The following HHIPL1 variants were observed in gnomAD, a reference collection of about 807,000 sequenced individuals.
HHIPL1 encodes the protein HHIP like 1, also known as HHIP-like protein 1.
A neutral mutation model predicts 61.8 loss-of-function variants in HHIPL1; 43 were observed. The observed-to-expected ratio is 0.70, with a 90% CI of 0.55 to 0.90. HHIPL1 has a LOEUF of 0.90. Among genes scored for constraint, HHIPL1 ranks in the 40% least tolerant of loss-of-function variants. The probability of loss-of-function intolerance (pLI) is 0.00; values close to 1 mark genes in which losing one functional copy is unlikely to be tolerated. For missense variants in HHIPL1, 1,056 were observed against 1,157.7 expected (o/e 0.91, Z 1.28); for synonymous variants, 482 against 515.8 (o/e 0.93, Z 0.89).
chr14:99,662,510 G>C (rs1282823679), intron 5 of HHIPL1, among the ~76,000 whole-genome samples: 2 of 152,182 alleles, frequency 1.3e-5, no homozygotes, highest in African/African-American at 2.4e-5. Context: ...GTGGGTGTCT[G>C]GTAGGTGCTG....
chr14:99,622,123 G>C, the HHIPL1 span, among the ~76,000 whole-genome samples: 1 of 152,134 alleles, frequency 6.6e-6, no homozygotes, highest in African/African-American at 2.4e-5. Flanking sequence ...GGCTATTCTT[G>C]TTCTCCCTGT....
the HHIPL1 span, among the ~76,000 whole-genome samples, chr14:99,623,751 C>T: frequency 6.6e-6 from 1 of 152,064 alleles, no homozygotes; most frequent in Non-Finnish European, 1.5e-5. Context: ...GGCAGAGGCT[C>T]CTGCCTGCAG....
At chr14:99,652,147 T>TGG in intron 1 of HHIPL1, 77 bp from the exon 2 acceptor site, 1 of 1,384,490 alleles carries the variant, frequency 7.2e-7, no homozygotes, top group Non-Finnish European at 9.8e-7. Context: ...CTCTGAGAGA[T>TGG]GGGGGACCCG....
At chr14:99,616,814 G>A in the HHIPL1 span, among the ~76,000 whole-genome samples, 1 of 152,130 alleles carries the variant, frequency 6.6e-6, no homozygotes, top group Non-Finnish European at 1.5e-5. Flanking sequence ...TAAAATCTGG[G>A]GGAAAAGGAT....
upstream of HHIPL1, among the ~76,000 whole-genome samples, chr14:99,642,673 C>T (rs1357359745): frequency 1.3e-5 from 2 of 151,704 alleles, no homozygotes; most frequent in African/African-American, 4.8e-5. Context: ...CTATAGGCGC[C>T]CATCACCATG....
the HHIPL1 span, among the ~76,000 whole-genome samples, chr14:99,629,527 A>C: frequency 2.7e-5 from 4 of 150,616 alleles, no homozygotes; most frequent in African/African-American, 9.8e-5. Context: ...TTTTTAATGG[A>C]GTCTCTGTCG....
intron 8 of HHIPL1, among the ~76,000 whole-genome samples, chr14:99,674,803 G>C (rs932694082): frequency 6.6e-6 from 1 of 152,180 alleles, no homozygotes; most frequent in Non-Finnish European, 1.5e-5. Context: ...GTAGGGAGAC[G>C]CAGCAACAGC....
intron 8 of HHIPL1, among the ~76,000 whole-genome samples, chr14:99,674,633 G>C (rs987491085): frequency 6.6e-6 from 1 of 152,136 alleles, no homozygotes; most frequent in Non-Finnish European, 1.5e-5. Flanking sequence ...GTGGGCCTCA[G>C]CTTCCTCACC....
At chr14:99,632,798 G>A in the HHIPL1 span, among the ~76,000 whole-genome samples, 1 of 152,140 alleles carries the variant, frequency 6.6e-6, no homozygotes, top group Admixed American at 6.6e-5. Flanking sequence ...ACGTCCTTTG[G>A]AGGCCTAAGT....
the HHIPL1 span, among the ~76,000 whole-genome samples, chr14:99,632,961 G>A: frequency 3.6e-3 from 510 of 140,404 alleles, 6 homozygotes; most frequent in Middle Eastern, 0.012. Flanking sequence ...TAGAGGGAGG[G>A]TCCTATCTGA....
the HHIPL1 span, among the ~76,000 whole-genome samples, chr14:99,606,935 C>T: frequency 6.6e-6 from 1 of 151,086 alleles, no homozygotes; most frequent in Non-Finnish European, 1.5e-5. Flanking sequence ...GGGCCCATAT[C>T]GCAGGGTCCA....
chr14:99,633,451 A>C, the HHIPL1 span, among the ~76,000 whole-genome samples: 1 of 152,150 alleles, frequency 6.6e-6, no homozygotes, highest in Non-Finnish European at 1.5e-5. Context: ...CCCCAGAGCC[A>C]TGTCACAGCC....
rs2056110470 is a variant in HHIPL1, at chr14:99,659,625, TC to T, written c.1245del (p.Phe416SerfsTer74). On this transcript the variant is annotated frameshift_variant, in exon 4 of 9. Transcript: ENST00000330710. LOFTEE classifies it high-confidence loss of function. ...DPSSGTGRGRLFCGDVGQNKF... is the reference protein window; with the variant it reads ...DPSSGTGRGRXFCGDVGQNKF... ...TCCTCGGGCACTGGCCGCGGGCGCC[TC>T]TTCTGCGGCGACGTGGGCCAGAACA... 6.4e-7 allele frequency: 1 copy of T among 1,551,202 alleles called. No homozygotes were observed.
At chr14:99,648,601 A>G (rs565344203) in intron 1 of HHIPL1, among the ~76,000 whole-genome samples, 1 of 152,238 alleles carries the variant, frequency 6.6e-6, no homozygotes, top group Non-Finnish European at 1.5e-5. Flanking sequence ...TGACTGCTGT[A>G]GAGAACTCAC....
chr14:99,656,224 G>A (rs1051875457), intron 2 of HHIPL1, among the ~76,000 whole-genome samples: 3 of 152,200 alleles, frequency 2.0e-5, no homozygotes, highest in Non-Finnish European at 4.4e-5. Flanking sequence ...TGACTAGGTC[G>A]ACAATTTCCC....
chr14:99,660,142 TGGGCACGCCAGCCC>T lies in HHIPL1; in HGVS notation c.1376-137_1376-124del. The T allele has an allele frequency of 3.1e-5, 22 of 700,668 alleles. No individual in the cohort carries two copies. The highest frequency in any genetic ancestry group is 1.0e-4 in the South Asian group (4 of 39,426). 43.4% of individuals were successfully genotyped at this position (700,668 alleles called of 1,614,324 possible). A position where few individuals can be genotyped will look rare whatever the true frequency, so the allele number is the denominator to read the frequency against. On this transcript the variant is annotated intron_variant, in intron 4 of 8. Coordinates refer to ENST00000330710, the MANE Select transcript of HHIPL1 (RefSeq NM_001127258.3). The surrounding 1 kb of genome is among the most constrained non-coding windows in gnomAD (Gnocchi z 4.9). Reference sequence around the variant, plus strand: ...GCTTTCCACCACGCCAGCCCTGCTGTGGGCACGCCAGCCCTGCTGTGGGCACGCCCCTCCCTCCG... The same window carrying T: ...GCTTTCCACCACGCCAGCCCTGCTGTTGCTGTGGGCACGCCCCTCCCTCCG...
At chr14:99,665,146 C>T (rs926292202) in intron 6 of HHIPL1, among the ~76,000 whole-genome samples, 4 of 152,050 alleles carry the variant, frequency 2.6e-5, no homozygotes, top group Non-Finnish European at 4.4e-5. Flanking sequence ...AGCCTGGTCT[C>T]GAACCCCTGA....
chr14:99,614,699 T>G, the HHIPL1 span, among the ~76,000 whole-genome samples: 4 of 152,166 alleles, frequency 2.6e-5, no homozygotes. Context: ...CATCTGACCT[T>G]AGAGATCTTT....
chr14:99,636,712 G>T, the HHIPL1 span, among the ~76,000 whole-genome samples: 1 of 152,060 alleles, frequency 6.6e-6, no homozygotes, highest in Admixed American at 6.6e-5. Context: ...AAGAGGCCAG[G>T]CGTGGTGGTG....
Sources: allele counts gnomAD v4.1 joint callset (sites outside exome capture counted in the v4.1 genomes callset), GRCh38; gene constraint gnomAD v4.1.1; non-coding constraint Gnocchi (gnomAD v3.1); transcripts MANE v1.5; gene names NCBI Gene and HGNC (gene_info 2026-07-23, HGNC 2026-07-21).